The following PKHD1L1 variants were observed in gnomAD, a reference collection of about 807,000 sequenced individuals.
PKHD1L1 encodes the protein PKHD1 like 1.
In PKHD1L1, 434 loss-of-function variants were observed where a neutral mutation model predicts 462.9. The ratio of observed to expected loss-of-function variants is 0.94; its 90% CI spans 0.87 to 1.02. The LOEUF is 1.02. PKHD1L1 is among the 50% of genes least tolerant of loss of function. The pLI, the probability that PKHD1L1 is intolerant of heterozygous loss-of-function variation, is 0.00. For synonymous variants in PKHD1L1, 1,781 were observed against 1,750.0 expected, an observed-to-expected ratio of 1.02 and a Z score of -0.44; for missense variants, 5,202 against 5,096.1, an observed-to-expected ratio of 1.02 and a Z score of -0.63.
chr8:109,401,523 T>C lies in PKHD1L1; in HGVS notation c.1308T>C (p.Asn436=), dbSNP rs142539426. 23 of 1,591,894 alleles carry C rather than the reference T, an allele frequency of 1.4e-5. No individual in the cohort carries two copies. The highest frequency in any genetic ancestry group is 8.9e-5 in the South Asian group (8 of 89,944). Residue 436 remains asparagine (N), a synonymous_variant, in exon 14 of 78, where the codon AAT becomes AAC. Coordinates refer to ENST00000378402, the MANE Select transcript of PKHD1L1 (RefSeq NM_177531.6). The part of the protein sequence containing the change: ...DKVRIAYHSA[N]ANSYFSSPTQ... The stretch of plus-strand genomic sequence containing the variant: ...TGAGGATTGCATATCATTCTGCTAA[T>C]GCCAACAGTTATTTTTCCAGTCCAA...
At chr8:109,428,316 G>T (rs1159163643) in intron 25 of PKHD1L1, among the ~76,000 whole-genome samples, 1 of 152,154 alleles carries the variant, frequency 6.6e-6, no homozygotes, top group African/African-American at 2.4e-5. Flanking sequence ...ATAGCAGAAG[G>T]ATTGGTGTAA....
At chr8:109,369,961 G>T (rs1811415194) in intron 2 of PKHD1L1, among the ~76,000 whole-genome samples, 1 of 152,066 alleles carries the variant, frequency 6.6e-6, no homozygotes. Context: ...GGAATAAAAT[G>T]ATATTTATTA....
In PKHD1L1 at chr8:109,493,729, C is replaced by T; in HGVS notation, c.10305C>T (p.Arg3435=). 2 of 1,606,722 alleles carry T rather than the reference C, an allele frequency of 1.2e-6. No homozygotes were observed. ...VVAGFGRAGY[R]IDGEPCPGQF... Reference sequence around the variant, plus strand: ...CTGGATTTGGAAGAGCAGGATACCGCATTGATGGTGAACCTTGCCCAGGTA... The same window carrying T: ...CTGGATTTGGAAGAGCAGGATACCGTATTGATGGTGAACCTTGCCCAGGTA... The change falls in exon 63 of 78, where the codon CGC becomes CGT. Residue 3435 remains arginine, a synonymous_variant. Coordinates refer to ENST00000378402, the MANE Select transcript of PKHD1L1 (RefSeq NM_177531.6).
chr8:109,492,911 ACCT>A (rs1316383282), intron 62 of PKHD1L1, among the ~76,000 whole-genome samples: 2 of 151,838 alleles, frequency 1.3e-5, no homozygotes, highest in African/African-American at 4.8e-5. Flanking sequence ...GTTTGTAATT[ACCT>A]AACACTCATG....
chr8:109,383,394 A>G (rs1812267236), intron 4 of PKHD1L1, among the ~76,000 whole-genome samples: 1 of 116,698 alleles, frequency 8.6e-6, no homozygotes, highest in Non-Finnish European at 1.6e-5. Flanking sequence ...ATTATATATT[A>G]TATATTACGT....
chr8:109,476,140 T>C (rs1401402419), intron 51 of PKHD1L1, among the ~76,000 whole-genome samples: 2 of 151,892 alleles, frequency 1.3e-5, no homozygotes, highest in Admixed American at 1.3e-4. Flanking sequence ...TATCTGTCAG[T>C]TTTTAAAATA....
chr8:109,392,696 T>C (rs1812770208), intron 9 of PKHD1L1, among the ~76,000 whole-genome samples: 1 of 152,144 alleles, frequency 6.6e-6, no homozygotes, highest in Non-Finnish European at 1.5e-5. Flanking sequence ...AATCTTACAT[T>C]TTGAATCTTA....
intron 53 of PKHD1L1, 61 bp from the exon 54 acceptor site, chr8:109,479,490 A>C: frequency 8.9e-7 from 1 of 1,127,466 alleles, no homozygotes; most frequent in Non-Finnish European, 1.3e-6. Context: ...TTTACATTTT[A>C]GACAAAATTA....
chr8:109,492,237 A>G (rs1818871145), intron 62 of PKHD1L1, among the ~76,000 whole-genome samples: 1 of 151,486 alleles, frequency 6.6e-6, no homozygotes, highest in South Asian at 2.1e-4. Flanking sequence ...TGCTCGACTG[A>G]GTGCTTTAGG....
At chr8:109,501,321 T>C (rs1819402862) in intron 67 of PKHD1L1, among the ~76,000 whole-genome samples, 1 of 152,164 alleles carries the variant, frequency 6.6e-6, no homozygotes, top group South Asian at 2.1e-4. Flanking sequence ...CCCCTGTACC[T>C]ATTTTGTCGA....
rs763323184 is a variant in PKHD1L1, at chr8:109,526,770, CT to C, written c.12485-5del. On this transcript the variant is annotated splice_polypyrimidine_tract_variant and intron_variant, in intron 76 of 77. Transcript: ENST00000378402. Reference sequence around the variant, plus strand: ...ATAAAGGAAATCAAACACTATGATGCTTTTTTTTTCCAGGAAAAAATTATAA... The same window carrying C: ...ATAAAGGAAATCAAACACTATGATGCTTTTTTTTCCAGGAAAAAATTATAA... 6.0e-5 allele frequency: 91 copies of C among 1,518,180 alleles called. No individual in the cohort carries two copies. Among genetic ancestry groups the C allele is most frequent in the South Asian group, 4.6e-4 (38 of 81,952 alleles). The allele number at this position is 1,518,180 out of a possible 1,614,324, so 94.0% of individuals were successfully genotyped here. A position where few individuals can be genotyped will look rare whatever the true frequency, so the allele number is the denominator to read the frequency against.
chr8:109,382,231 C>G (rs779719217), intron 3 of PKHD1L1, among the ~76,000 whole-genome samples: 3 of 152,076 alleles, frequency 2.0e-5, no homozygotes, highest in Non-Finnish European at 2.9e-5. Context: ...CCAATGTGCA[C>G]AGTCGGAATA....
chr8:109,509,520 G>C (rs1819865183), intron 70 of PKHD1L1, among the ~76,000 whole-genome samples: 1 of 151,084 alleles, frequency 6.6e-6, no homozygotes, highest in South Asian at 2.1e-4. Context: ...AAATCATGAA[G>C]GTGTTAGAAG....
At chr8:109,477,593 G>A (rs1457030438) in intron 53 of PKHD1L1, among the ~76,000 whole-genome samples, 197 bp downstream of exon 53, 1 of 152,156 alleles carries the variant, frequency 6.6e-6, no homozygotes, top group Non-Finnish European at 1.5e-5. Context: ...AAAAAATTAT[G>A]TGTGAAAGTT....
intron 2 of PKHD1L1, among the ~76,000 whole-genome samples, chr8:109,371,531 G>C (rs1811508510): frequency 6.7e-6 from 1 of 149,630 alleles, no homozygotes; most frequent in Non-Finnish European, 1.5e-5. Flanking sequence ...TGTCAATTTT[G>C]GCTTTTGTTG....
At chr8:109,366,132 G>A (rs957581062) in intron 2 of PKHD1L1, among the ~76,000 whole-genome samples, 1 of 152,144 alleles carries the variant, frequency 6.6e-6, no homozygotes. Context: ...CTTTGGAAAG[G>A]TATCCTTTTA....
chr8:109,363,254 T>C (rs1427221454), intron 1 of PKHD1L1, among the ~76,000 whole-genome samples: 1 of 152,118 alleles, frequency 6.6e-6, no homozygotes, highest in Non-Finnish European at 1.5e-5. Flanking sequence ...GGAGATAGGA[T>C]CCAGCTTCCC....
chr8:109,401,446 G>T (rs1813269481), intron 13 of PKHD1L1, 51 bp from the exon 14 acceptor site: 20 of 926,330 alleles, frequency 2.2e-5, no homozygotes, highest in East Asian at 7.5e-5. Context: ...ATGTTGAAAA[G>T]GTCTATTAAT....
At chr8:109,394,315 C>T (rs553542042) in intron 9 of PKHD1L1, 100 bp from the exon 10 acceptor site, 6 of 661,408 alleles carry the variant, frequency 9.1e-6, no homozygotes, top group African/African-American at 3.7e-5. Flanking sequence ...TTCCATCGTG[C>T]TCTTTTGCAG....
Sources: gnomAD v4.1 joint callset for allele counts (sites outside exome capture counted in the v4.1 genomes callset) on GRCh38, gnomAD v4.1.1 for gene constraint, MANE v1.5 for transcripts, NCBI Gene and HGNC (gene_info 2026-07-23, HGNC 2026-07-21) for gene names.